Variants in DOCK3 observed in about 807,000 individuals in gnomAD.
DOCK3 encodes the protein dedicator of cytokinesis 3.
A neutral mutation model predicts 265.6 loss-of-function variants in DOCK3; 60 were observed. That is an observed-to-expected ratio of 0.23 (90% CI 0.18 to 0.28). The LOEUF is 0.28. Ranked by LOEUF, DOCK3 falls within the 10% of genes least tolerant of loss-of-function variation. The probability of loss-of-function intolerance (pLI) is 1.00; values close to 1 mark genes in which losing one functional copy is unlikely to be tolerated. For missense variants in DOCK3, 1,981 were observed against 2,594.3 expected, an observed-to-expected ratio of 0.76 and a Z score of 5.14; for synonymous variants, 881 against 938.0, an observed-to-expected ratio of 0.94 and a Z score of 1.11.
chr3:51,154,618 G>C (rs2085755218), intron 10 of DOCK3, among the ~76,000 whole-genome samples: 1 of 152,132 alleles, frequency 6.6e-6, no homozygotes. Flanking sequence ...CTGATTCTCT[G>C]ATATTTCCTG....
chr3:51,099,407 A>G (rs780503862), intron 9 of DOCK3, among the ~76,000 whole-genome samples: 1 of 152,224 alleles, frequency 6.6e-6, no homozygotes, highest in Non-Finnish European at 1.5e-5. Context: ...GTATCATCCT[A>G]CAGAGTCTGG....
At chr3:51,108,515 C>G (rs1458770118) in intron 9 of DOCK3, among the ~76,000 whole-genome samples, 1 of 152,140 alleles carries the variant, frequency 6.6e-6, no homozygotes, top group Non-Finnish European at 1.5e-5. Flanking sequence ...AACACGAACA[C>G]AGGATAAAAT....
At chr3:50,994,865 C>G (rs7426964) in intron 5 of DOCK3, among the ~76,000 whole-genome samples, 3,118 of 152,146 alleles carry the variant, frequency 0.02, 107 homozygotes, top group African/African-American at 0.071. Context: ...TCTAAGAGAT[C>G]AATAAATGTT....
chr3:51,364,599 G>A (rs888057222), intron 49 of DOCK3, among the ~76,000 whole-genome samples: 1 of 152,028 alleles, frequency 6.6e-6, no homozygotes, highest in African/African-American at 2.4e-5. Context: ...GTTTTCTTCT[G>A]GGGTTTTTAT....
chr3:51,002,834 A>G (rs1291069014), intron 5 of DOCK3, among the ~76,000 whole-genome samples: 3 of 152,304 alleles, frequency 2.0e-5, no homozygotes, highest in East Asian at 3.9e-4. Context: ...TCCACTTGTT[A>G]TGACATTTTT....
intron 32 of DOCK3, among the ~76,000 whole-genome samples, chr3:51,329,146 C>T (rs957440217): frequency 6.6e-6 from 1 of 152,106 alleles, no homozygotes; most frequent in African/African-American, 2.4e-5. Flanking sequence ...GAGACTCCAT[C>T]TCAAAATAAA....
chr3:51,197,823 A>G (rs2088416159), intron 12 of DOCK3, among the ~76,000 whole-genome samples: 2 of 152,178 alleles, frequency 1.3e-5, no homozygotes, highest in Admixed American at 1.3e-4. Context: ...GTGGGAATGC[A>G]CATTCCTCAC....
intron 1 of DOCK3, among the ~76,000 whole-genome samples, chr3:50,703,659 G>A (rs1042711411): frequency 6.6e-6 from 1 of 151,206 alleles, no homozygotes; most frequent in Non-Finnish European, 1.5e-5. Flanking sequence ...TGTATCTGTG[G>A]TATCAGTTGT....
intron 2 of DOCK3, among the ~76,000 whole-genome samples, chr3:50,809,170 G>A (rs2168863): frequency 3.3e-5 from 5 of 152,092 alleles, no homozygotes; most frequent in Admixed American, 6.6e-5. Flanking sequence ...AAGAAGTCAC[G>A]ATGAGTTATT....
At chr3:51,269,633 C>G (rs1180270421) in intron 23 of DOCK3, among the ~76,000 whole-genome samples, 1 of 152,192 alleles carries the variant, frequency 6.6e-6, no homozygotes, top group Non-Finnish European at 1.5e-5. Context: ...CCCTCCCCAG[C>G]CTGCCATTTG....
chr3:50,964,829 A>G (rs2076983878), intron 5 of DOCK3, among the ~76,000 whole-genome samples: 1 of 152,134 alleles, frequency 6.6e-6, no homozygotes, highest in Admixed American at 6.6e-5. Flanking sequence ...TGAACACACT[A>G]TAATCAGTTT....
intron 10 of DOCK3, among the ~76,000 whole-genome samples, chr3:51,154,115 G>A (rs1387830144): frequency 2.0e-5 from 3 of 152,180 alleles, no homozygotes; most frequent in Non-Finnish European, 2.9e-5. Flanking sequence ...AAAAGCTGCA[G>A]TTATATTTGT....
Position 51,360,530 on chromosome 3 carries a change from A to G in DOCK3, c.4904A>G (p.Lys1635Arg). The G allele has an allele frequency of 1.9e-6, 3 of 1,611,940 alleles. No homozygotes were observed. The highest frequency in any genetic ancestry group is 2.5e-6 in the Non-Finnish European group (3 of 1,178,988). Reference protein sequence around the residue: ...SLYHEFPGLDKLSPACSGTST... With the variant: ...SLYHEFPGLDRLSPACSGTST... Reference sequence around the variant, plus strand: ...CAACAGGAGTTTCCAGGTTTGGATAAGCTAAGTCCTGCATGTTCAGGCACC... The same window carrying G: ...CAACAGGAGTTTCCAGGTTTGGATAGGCTAAGTCCTGCATGTTCAGGCACC... The change falls in exon 47 of 53, where the codon AAG (lysine) becomes AGG (arginine). Residue 1635 changes from lysine (K) to arginine (R), a missense_variant. Physicochemically the swap from Lys to Arg is conservative, Grantham distance 26. Around this residue, in one of 4 missense-constraint regions of DOCK3, gnomAD observed 1,357 missense variants for 1,866.8 expected, o/e 0.73. Transcript: ENST00000266037.
At chr3:51,007,584 G>C (rs896378095) in intron 5 of DOCK3, among the ~76,000 whole-genome samples, 1 of 152,188 alleles carries the variant, frequency 6.6e-6, no homozygotes, top group African/African-American at 2.4e-5. Context: ...TGTTCACTCT[G>C]ATGGTAGTTT....
chr3:50,793,688 A>G (rs1454674962), intron 2 of DOCK3, among the ~76,000 whole-genome samples: 1 of 151,986 alleles, frequency 6.6e-6, no homozygotes, highest in Non-Finnish European at 1.5e-5. Context: ...CAAAAATTCA[A>G]CCCCTGCCTT....
chr3:51,143,892 G>A lies in DOCK3; in HGVS notation c.747-2657G>A, dbSNP rs180852557. On this transcript the variant is annotated intron_variant, in intron 9 of 52. Transcript: ENST00000266037. ...TGATATTTGCTTAATAATCTGGGGC[G>A]ACAGAAAGTTTTCTACTATGTGCTA... 3.5e-3 allele frequency among the ~76,000 whole-genome samples: 530 copies of A among 152,210 alleles called. 5 individuals are homozygous for A. The highest frequency in any genetic ancestry group is 3.1e-3 in the Non-Finnish European group (208 of 68,008).
rs1201423851 is a variant in DOCK3 at position 50,943,667 on chromosome 3, T to C, written c.315+9590T>C. 2.6e-5 allele frequency among the ~76,000 whole-genome samples: 4 copies of C among 152,182 alleles called. No individual in the cohort carries two copies. The East Asian group carries it at 7.7e-4, about 29-fold the overall frequency. ...TTATTTAAATAACGAACACAGTGGATGATACTGTAGAAACATATAATCAGT... is the reference window on the plus strand; with the variant it reads ...TTATTTAAATAACGAACACAGTGGACGATACTGTAGAAACATATAATCAGT... On this transcript the variant is annotated intron_variant, in intron 5 of 52. Coordinates refer to ENST00000266037, the MANE Select transcript of DOCK3 (RefSeq NM_004947.5).
chr3:50,903,771 A>T (rs1241895079), intron 4 of DOCK3, among the ~76,000 whole-genome samples: 2 of 150,010 alleles, frequency 1.3e-5, no homozygotes, highest in African/African-American at 4.9e-5. Flanking sequence ...TTAAATGTGT[A>T]TTTTTTTTTA....
chr3:51,048,841 C>A (rs530881476), intron 5 of DOCK3, among the ~76,000 whole-genome samples: 2 of 150,098 alleles, frequency 1.3e-5, no homozygotes, highest in South Asian at 4.2e-4. Flanking sequence ...CCAGCCTGAG[C>A]GACAGAGCGA....
Sources: gnomAD v4.1 joint callset for allele counts (sites outside exome capture counted in the v4.1 genomes callset) on GRCh38, gnomAD v4.1.1 for gene constraint, gnomAD v4.1.1 regional missense constraint, MANE v1.5 for transcripts, NCBI Gene and HGNC (gene_info 2026-07-23, HGNC 2026-07-21) for gene names.